The following GPAT3 variants were observed in gnomAD, a reference collection of about 807,000 sequenced individuals.
The protein encoded by GPAT3 is glycerol-3-phosphate acyltransferase 3, also known as 1-AGP acyltransferase 9.
Under a neutral mutation model 58.8 loss-of-function variants are expected in GPAT3, and 53 were observed. The ratio of observed to expected loss-of-function variants is 0.90; its 90% CI spans 0.72 to 1.13. The LOEUF is 1.13. Among genes scored for constraint, GPAT3 ranks in the 50% most tolerant of loss-of-function variants. The probability of loss-of-function intolerance (pLI) is 0.00; values close to 1 mark genes in which losing one functional copy is unlikely to be tolerated. For missense variants in GPAT3, 511 were observed against 527.6 expected (o/e 0.97, Z 0.31); for synonymous variants, 197 against 187.4 (o/e 1.05, Z -0.42).
chr4:83,535,969 G>A (rs75195367), upstream of GPAT3: 4,141 of 985,542 alleles, frequency 4.2e-3, 117 homozygotes, highest in African/African-American at 0.065. Flanking sequence ...GAGGCGGGGC[G>A]CGGGGAAGAA....
intron 6 of GPAT3, among the ~76,000 whole-genome samples, chr4:83,594,050 A>T (rs1726716966): frequency 6.6e-6 from 1 of 152,170 alleles, no homozygotes; most frequent in Non-Finnish European, 1.5e-5. Context: ...GTAGAGATAA[A>T]CACATGTATG....
chr4:83,604,131 G>A (rs1354090898), intron 11 of GPAT3, among the ~76,000 whole-genome samples: 1 of 152,122 alleles, frequency 6.6e-6, no homozygotes, highest in Non-Finnish European at 1.5e-5. Context: ...GAGTGCAATG[G>A]CGTGATCTCG....
intron 6 of GPAT3, among the ~76,000 whole-genome samples, chr4:83,594,133 AAT>A (rs1273850480): frequency 6.6e-6 from 1 of 152,152 alleles, no homozygotes; most frequent in Non-Finnish European, 1.5e-5. Flanking sequence ...TTCATTTAAC[AAT>A]ATCTCCTGGA....
intron 2 of GPAT3, among the ~76,000 whole-genome samples, chr4:83,546,067 C>T (rs1249591189): frequency 6.6e-6 from 1 of 152,184 alleles, no homozygotes; most frequent in Non-Finnish European, 1.5e-5. Flanking sequence ...TCACTGTAAC[C>T]TCTGCCTCCC....
In GPAT3 at chr4:83,579,039, T is replaced by TTCCTTCC. The variant is rs1560620992; in HGVS notation, c.209-2522_209-2521insCCTTCCT. 1.9e-4 allele frequency among the ~76,000 whole-genome samples: 6 copies of TTCCTTCC among 30,950 alleles called. No individual in the cohort carries two copies. In the South Asian group the frequency reaches 7.1e-3, roughly 37 times the overall value. 20.3% of individuals were successfully genotyped at this position (30,950 alleles called of 152,430 possible). Reference sequence around the variant, plus strand: ...TTCCCTTTCTTTCTTTCTTTCTTTCTTTCTTTCTTTCTTTCTTTCTTTCTT... The same window carrying TTCCTTCC: ...TTCCCTTTCTTTCTTTCTTTCTTTCTTCCTTCCTTCTTTCTTTCTTTCTTTCTTTCTT... On this transcript the variant is annotated intron_variant, in intron 2 of 11. Transcript: ENST00000264409.
chr4:83,579,797 C>A (rs151199265), intron 2 of GPAT3, among the ~76,000 whole-genome samples: 1 of 152,130 alleles, frequency 6.6e-6, no homozygotes, highest in African/African-American at 2.4e-5. Flanking sequence ...GACTCCAGGT[C>A]CTCTTTCCTT....
intron 9 of GPAT3, 76 bp downstream of exon 9, chr4:83,597,591 C>G: frequency 8.7e-7 from 1 of 1,147,082 alleles, no homozygotes; most frequent in Non-Finnish European, 1.2e-6. Context: ...GGTAGCATTT[C>G]AAACTTAAAA....
At chr4:83,545,332 T>A (rs919643474) in intron 2 of GPAT3, among the ~76,000 whole-genome samples, 1 of 151,998 alleles carries the variant, frequency 6.6e-6, no homozygotes, top group Non-Finnish European at 1.5e-5. Context: ...TCCCAGCTAC[T>A]CAGAGTGGGG....
intron 2 of GPAT3, among the ~76,000 whole-genome samples, chr4:83,553,216 A>G (rs549641250): frequency 1.3e-5 from 2 of 152,334 alleles, no homozygotes; most frequent in Non-Finnish European, 2.9e-5. Flanking sequence ...AAAAGGTCAG[A>G]TCAGAGTTAT....
chr4:83,544,691 C>A (rs1282023028), intron 2 of GPAT3, 89 bp downstream of exon 2: 8 of 1,256,254 alleles, frequency 6.4e-6, no homozygotes, highest in Non-Finnish European at 9.3e-6. Context: ...ATGCAGAGAG[C>A]AGTGTGTTCT....
rs144506287 is a variant in GPAT3, at chr4:83,542,013, A to G, written c.142-2523A>G. Among the ~76,000 whole-genome samples, 9 of 152,296 alleles carry G rather than the reference A, an allele frequency of 5.9e-5. No homozygotes were observed. In the East Asian group the frequency reaches 1.2e-3, roughly 20 times the overall value. Reference sequence around the variant, plus strand: ...AACTTAGTCACTCTTTAAAGACCCTATCTAAATATAGTCACATTCTGAGGT... The same window carrying G: ...AACTTAGTCACTCTTTAAAGACCCTGTCTAAATATAGTCACATTCTGAGGT... On this transcript the variant is annotated intron_variant, in intron 1 of 11. Transcript: ENST00000264409.
chr4:83,581,409 A>G (rs1034940543), intron 2 of GPAT3, among the ~76,000 whole-genome samples, 153 bp from the exon 3 acceptor site: 6 of 152,116 alleles, frequency 3.9e-5, no homozygotes, highest in African/African-American at 1.4e-4. Flanking sequence ...TCCCACTGCA[A>G]TTGTTTGTCT....
intron 1 of GPAT3, 102 bp downstream of exon 1, chr4:83,536,865 C>G: frequency 9.0e-7 from 1 of 1,114,996 alleles, no homozygotes; most frequent in Non-Finnish European, 1.3e-6. Context: ...GGTGTGTGTG[C>G]GCGCGTGTGC....
In GPAT3 at chr4:83,536,271, T is replaced by G. The variant is rs1156674915; in HGVS notation, c.-352T>G. 1 of 1,031,466 alleles carries G rather than the reference T, an allele frequency of 9.7e-7. No homozygotes were observed. Among genetic ancestry groups the G allele is most frequent in the Non-Finnish European group, 1.2e-6 (1 of 860,356 alleles). The allele number at this position is 1,031,466 out of a possible 1,614,324, so 63.9% of individuals were successfully genotyped here. On this transcript the variant is annotated 5_prime_UTR_variant, in exon 1 of 12. Coordinates refer to ENST00000264409, the MANE Select transcript of GPAT3 (RefSeq NM_032717.5). The stretch of plus-strand genomic sequence containing the variant: ...GAAATCAGGCACCGGGCGGGGCGGG[T>G]TCCTGGCTGCGCTCGCGCGCTCTGC...
chr4:83,571,471 A>G (rs1191362962), intron 2 of GPAT3, among the ~76,000 whole-genome samples: 3 of 152,026 alleles, frequency 2.0e-5, no homozygotes, highest in Admixed American at 6.6e-5. Context: ...GTGGGTATGT[A>G]GTAGTATCTC....
chr4:83,545,974 AAATTAAATT>A (rs1724489935), intron 2 of GPAT3, among the ~76,000 whole-genome samples: 1 of 152,062 alleles, frequency 6.6e-6, no homozygotes, highest in South Asian at 2.1e-4. Context: ...TATTTAAATT[AAATTAAATT>A]AATTAAATTT....
intron 2 of GPAT3, among the ~76,000 whole-genome samples, chr4:83,563,820 G>C (rs1725279581): frequency 6.6e-6 from 1 of 152,072 alleles, no homozygotes; most frequent in Admixed American, 6.5e-5. Context: ...CACCAAACAT[G>C]ATGTCCTATA....
chr4:83,536,881 T>C, intron 1 of GPAT3, 118 bp downstream of exon 1: 1 of 908,342 alleles, frequency 1.1e-6, no homozygotes, highest in Non-Finnish European at 1.7e-6. Context: ...TGTGCATGCG[T>C]GCGTGCATTT....
intron 2 of GPAT3, among the ~76,000 whole-genome samples, chr4:83,552,296 C>T (rs909773632): frequency 3.3e-5 from 5 of 152,174 alleles, no homozygotes; most frequent in Non-Finnish European, 5.9e-5. Context: ...CACTCCCATT[C>T]GTGACAACCA....
Sources: allele counts gnomAD v4.1 joint callset (sites outside exome capture counted in the v4.1 genomes callset), GRCh38; gene constraint gnomAD v4.1.1; transcripts MANE v1.5; gene names NCBI Gene and HGNC (gene_info 2026-07-23, HGNC 2026-07-21).